DOCK5: variants seen among roughly 807,000 people sequenced by gnomAD.
The protein encoded by DOCK5 is dedicator of cytokinesis 5.
In DOCK5, 142 loss-of-function variants were observed where a neutral mutation model predicts 251.8. The observed-to-expected ratio is 0.56, with a 90% CI of 0.49 to 0.65. The LOEUF (loss-of-function observed/expected upper bound fraction) is 0.65. DOCK5 is among the 30% of genes least tolerant of loss of function. The probability of loss-of-function intolerance (pLI) is 0.00; values close to 1 mark genes in which losing one functional copy is unlikely to be tolerated. For synonymous variants in DOCK5, 842 were observed against 835.5 expected (o/e 1.01, Z -0.13); for missense variants, 2,111 against 2,312.3 (o/e 0.91, Z 1.79).
chr8:25,246,541 T>C lies in DOCK5; in HGVS notation c.127+2784T>C, dbSNP rs184856778. Among the ~76,000 whole-genome samples the C allele has an allele frequency of 3.4e-3, 519 of 152,298 alleles. 3 individuals are homozygous for C. Among genetic ancestry groups the C allele is most frequent in the African/African-American group, 0.012 (492 of 41,568 alleles). On this transcript the variant is annotated intron_variant, in intron 2 of 51. Coordinates refer to ENST00000276440, the MANE Select transcript of DOCK5 (RefSeq NM_024940.8). ...TGATCCGCCCACCTTGGCCTCCCAG[T>C]GTTGGGATTACAGGTGTAAGCCACC...
intron 6 of DOCK5, among the ~76,000 whole-genome samples, chr8:25,294,945 T>C (rs925895147): frequency 1.3e-5 from 2 of 152,084 alleles, no homozygotes; most frequent in Non-Finnish European, 2.9e-5. Flanking sequence ...AAAGGGATGG[T>C]GTTAAACCAT....
At chr8:25,385,008 G>A (rs1313369946) in intron 40 of DOCK5, among the ~76,000 whole-genome samples, 1 of 152,196 alleles carries the variant, frequency 6.6e-6, no homozygotes, top group Non-Finnish European at 1.5e-5. Context: ...GGTAAGCTGG[G>A]AGTGGAGCAG....
At chr8:25,395,141 G>A (rs371720905) in intron 44 of DOCK5, among the ~76,000 whole-genome samples, 9 of 152,252 alleles carry the variant, frequency 5.9e-5, no homozygotes, top group African/African-American at 2.2e-4. Context: ...AGATCATCAG[G>A]CATTAGATTC....
intron 1 of DOCK5, among the ~76,000 whole-genome samples, chr8:25,204,367 A>C (rs992608578): frequency 6.6e-6 from 1 of 152,162 alleles, no homozygotes; most frequent in Non-Finnish European, 1.5e-5. Flanking sequence ...TTTGTATTTC[A>C]GTCTCTGTTA....
rs1803024298 is a variant in DOCK5, at chr8:25,243,818, T to TA, written c.127+66dup. 8 of 1,502,152 alleles carry TA rather than the reference T, an allele frequency of 5.3e-6. No homozygotes were observed. In the East Asian group the frequency reaches 1.8e-4, roughly 35 times the overall value. The allele number at this position is 1,502,152 out of a possible 1,614,324, so 93.1% of individuals were successfully genotyped here. On this transcript the variant is annotated intron_variant, in intron 2 of 51. Coordinates refer to ENST00000276440, the MANE Select transcript of DOCK5 (RefSeq NM_024940.8). Reference sequence around the variant, plus strand: ...GGGAAAAACAGTGTAAGTTACTTATTAAAAAGGCACTTAGAGTAAACATCA... The same window carrying TA: ...GGGAAAAACAGTGTAAGTTACTTATTAAAAAAGGCACTTAGAGTAAACATCA...
At chr8:25,263,690 C>T (rs952363045) in intron 2 of DOCK5, among the ~76,000 whole-genome samples, 5 of 151,662 alleles carry the variant, frequency 3.3e-5, no homozygotes, top group African/African-American at 1.2e-4. Context: ...CCCCCTCGCC[C>T]CACTTAGGCT....
chr8:25,234,758 C>G (rs1369907696), intron 1 of DOCK5, among the ~76,000 whole-genome samples: 1 of 152,170 alleles, frequency 6.6e-6, no homozygotes, highest in Non-Finnish European at 1.5e-5. Flanking sequence ...ACTCCCCGCA[C>G]CTGGTGCTGT....
At chr8:25,198,571 CAA>C (rs71214556) in intron 1 of DOCK5, among the ~76,000 whole-genome samples, 3,372 of 146,998 alleles carry the variant, frequency 0.023, 115 homozygotes, top group African/African-American at 0.078. Context: ...GACTCCATCT[CAA>C]AAAAAAAAAA....
intron 2 of DOCK5, among the ~76,000 whole-genome samples, chr8:25,267,112 T>C (rs1803777019): frequency 6.6e-6 from 1 of 152,220 alleles, no homozygotes; most frequent in Admixed American, 6.5e-5. Flanking sequence ...CCCATTTTCA[T>C]GTTTTCACAG....
At position 25,395,585 on chromosome 8, in the gene DOCK5, C is replaced by T. The variant is rs765403286; in HGVS notation, c.4570C>T (p.Leu1524=). ...GGAGAATGCCATCGAAACCATGGAG[C>T]TGACCAACGAGAGGATCAGCAACTG... ...PLENAIETME[L]TNERISNCVQ... is the part of the protein sequence containing the mutation. The change falls in exon 45 of 52, where the codon CTG becomes TTG. Residue 1524 remains leucine (L), a synonymous_variant. Transcript: ENST00000276440. The T allele has an allele frequency of 9.9e-6, 16 of 1,613,724 alleles. No homozygotes were observed. The highest frequency in any genetic ancestry group is 1.7e-4 in the Middle Eastern group (1 of 6,058).
intron 39 of DOCK5, 70 bp downstream of exon 39, chr8:25,380,464 C>A: frequency 7.5e-7 from 1 of 1,332,474 alleles, no homozygotes; most frequent in Non-Finnish European, 1.0e-6. Flanking sequence ...AAAATGTTTC[C>A]GTAAGTTGAA....
intron 42 of DOCK5, among the ~76,000 whole-genome samples, chr8:25,390,521 T>C (rs1801239059): frequency 6.6e-6 from 1 of 152,194 alleles, no homozygotes; most frequent in Non-Finnish European, 1.5e-5. Flanking sequence ...TATTACAGTT[T>C]GCAAGACCTA....
chr8:25,325,438 A>G lies in DOCK5; in HGVS notation c.1794A>G (p.Lys598=), dbSNP rs745738083. 41 of 1,613,882 alleles carry G rather than the reference A, an allele frequency of 2.5e-5. No homozygotes were observed. The East Asian group carries it at 8.9e-4, about 35-fold the overall frequency. The stretch of plus-strand genomic sequence containing the variant: ...GAACCAAGATGGAGATGGAAGAAAA[A>G]GAGCTTCAAGCATCCAAAAACCTGG... The part of the protein sequence containing the change: ...LPGTKMEMEE[K]ELQASKNLVT... The change falls in exon 18 of 52, where the codon AAA becomes AAG. Residue 598 remains lysine, a synonymous_variant. Transcript: ENST00000276440.
intron 40 of DOCK5, among the ~76,000 whole-genome samples, chr8:25,387,255 C>A (rs972499786): frequency 1.3e-5 from 2 of 151,382 alleles, no homozygotes; most frequent in African/African-American, 4.9e-5. Flanking sequence ...AATCACAGCT[C>A]CCTGCAGCCT....
At chr8:25,398,747 A>C (rs987554026) in intron 45 of DOCK5, among the ~76,000 whole-genome samples, 2 of 152,326 alleles carry the variant, frequency 1.3e-5, no homozygotes, top group African/African-American at 4.8e-5. Flanking sequence ...GACACCAGTC[A>C]TATGGGCTTA....
chr8:25,264,835 A>AAAC (rs374875758), intron 2 of DOCK5, among the ~76,000 whole-genome samples: 1 of 142,292 alleles, frequency 7.0e-6, no homozygotes, highest in Non-Finnish European at 1.5e-5. Flanking sequence ...AAAAAACAAA[A>AAAC]AACAACAACA....
At chr8:25,237,740 C>T (rs561913076) in intron 1 of DOCK5, among the ~76,000 whole-genome samples, 48 of 152,322 alleles carry the variant, frequency 3.2e-4, no homozygotes, top group African/African-American at 1.2e-3. Flanking sequence ...TTAATTTCCT[C>T]AGTCAAAACA....
intron 21 of DOCK5, among the ~76,000 whole-genome samples, chr8:25,335,161 A>G (rs1805773742): frequency 1.3e-5 from 2 of 152,230 alleles, no homozygotes; most frequent in African/African-American, 4.8e-5. Flanking sequence ...GGATTGGTCC[A>G]TGATCTTCTT....
intron 45 of DOCK5, 97 bp from the exon 46 acceptor site, chr8:25,399,814 C>A: frequency 1.2e-6 from 1 of 868,396 alleles, no homozygotes; most frequent in Non-Finnish European, 1.8e-6. Context: ...TTAGACACAT[C>A]TGGTTCTTCC....
Sources: gnomAD v4.1 joint callset for allele counts (sites outside exome capture counted in the v4.1 genomes callset) on GRCh38, gnomAD v4.1.1 for gene constraint, MANE v1.5 for transcripts, NCBI Gene and HGNC (gene_info 2026-07-23, HGNC 2026-07-21) for gene names.